GDA: variants seen among roughly 807,000 people sequenced by gnomAD.
The protein encoded by GDA is guanine deaminase.
Under a neutral mutation model 59.6 loss-of-function variants are expected in GDA, and 18 were observed. The ratio of observed to expected loss-of-function variants is 0.30; its 90% CI spans 0.21 to 0.45. The LOEUF (loss-of-function observed/expected upper bound fraction) is 0.45. Among genes scored for constraint, GDA ranks in the 20% least tolerant of loss-of-function variants. GDA has a pLI of 1.00. For missense variants in GDA, 427 were observed against 552.3 expected, an observed-to-expected ratio of 0.77 and a Z score of 2.27; for synonymous variants, 201 against 201.1, an observed-to-expected ratio of 1.00 and a Z score of 0.00.
chr9:72,197,431 A>T (rs543359110), intron 2 of GDA: 18 of 152,266 alleles, frequency 1.2e-4, no homozygotes, highest in African/African-American at 3.9e-4. Flanking sequence ...TGACATTTAT[A>T]GTCTCCTGCT....
rs140969286 is a variant in GDA at position 72,249,476 on chromosome 9, A to T, written c.*1134A>T. On this transcript the variant is annotated 3_prime_UTR_variant, in exon 14 of 14. Transcript: ENST00000358399. ...TTCTGTTTAACTCCTTATAATGTTT[A>T]GGATATTAAAATTTTAGGATAATGA... The T allele has an allele frequency of 1.6e-4, 118 of 735,420 alleles. No homozygotes were observed. In the African/African-American group the frequency reaches 1.9e-3, roughly 12 times the overall value. 45.6% of individuals were successfully genotyped at this position (735,420 alleles called of 1,614,324 possible).
intron 3 of GDA, among the ~76,000 whole-genome samples, chr9:72,209,229 G>A (rs1360879189): frequency 6.6e-6 from 1 of 151,804 alleles, no homozygotes; most frequent in Non-Finnish European, 1.5e-5. Context: ...TTTTGGAGAT[G>A]AATATTATTT....
chr9:72,191,140 T>A (rs1832493426), intron 1 of GDA, among the ~76,000 whole-genome samples: 1 of 152,232 alleles, frequency 6.6e-6, no homozygotes, highest in East Asian at 1.9e-4. Context: ...CAATGAGGAC[T>A]TCTATCATTT....
At chr9:72,191,188 G>A (rs1251188555) in intron 1 of GDA, among the ~76,000 whole-genome samples, 3 of 152,074 alleles carry the variant, frequency 2.0e-5, no homozygotes, top group East Asian at 1.9e-4. Flanking sequence ...GAGAAATATC[G>A]TAGGGTGCCA....
At chr9:72,190,574 G>A (rs1234854935) in intron 1 of GDA, among the ~76,000 whole-genome samples, 2 of 152,292 alleles carry the variant, frequency 1.3e-5, no homozygotes, top group East Asian at 3.9e-4. Flanking sequence ...TAGTAGTTAA[G>A]TTTCTGGGAA....
In GDA at chr9:72,117,205, G is replaced by A. The variant is rs2132512727; in HGVS notation, c.-100+2372G>A. ...ATCATTATTTGTTTTATGAGTATAT[G>A]ACTTGTTTAATTAAATGGACTCTGG... On this transcript the variant is annotated intron_variant, in intron 1 of 13. Transcript: ENST00000545168. 1.3e-5 allele frequency among the ~76,000 whole-genome samples: 2 copies of A among 152,086 alleles called. 1 individual carries two copies. The highest frequency in any genetic ancestry group is 2.9e-5 in the Non-Finnish European group (2 of 67,998).
intron 1 of GDA, among the ~76,000 whole-genome samples, chr9:72,167,424 T>A (rs1829447681): frequency 6.6e-6 from 1 of 152,202 alleles, no homozygotes; most frequent in African/African-American, 2.4e-5. Flanking sequence ...CGGTAACAAC[T>A]TCTTATATAT....
intron 1 of GDA, among the ~76,000 whole-genome samples, chr9:72,154,607 C>G (rs763857494): frequency 6.6e-6 from 1 of 152,172 alleles, no homozygotes; most frequent in African/African-American, 2.4e-5. Flanking sequence ...GATCAAGAAG[C>G]ATTTGGTGCT....
chr9:72,200,495 C>T (rs910314233), intron 2 of GDA, among the ~76,000 whole-genome samples: 1 of 151,954 alleles, frequency 6.6e-6, no homozygotes. Context: ...CTCATTCACC[C>T]GTAACCTCCT....
chr9:72,117,751 TC>T (rs1017336938), intron 1 of GDA, among the ~76,000 whole-genome samples: 1 of 152,094 alleles, frequency 6.6e-6, no homozygotes, highest in African/African-American at 2.4e-5. Context: ...GGCATCCACC[TC>T]CCAATTGGCG....
chr9:72,127,200 ATTCTG>A (rs1825877032), intron 1 of GDA, among the ~76,000 whole-genome samples: 1 of 152,174 alleles, frequency 6.6e-6, no homozygotes, highest in Non-Finnish European at 1.5e-5. Context: ...TAGAAATTAT[ATTCTG>A]TTTTTAAAAA....
At chr9:72,132,945 C>G (rs2130620429) in intron 1 of GDA, among the ~76,000 whole-genome samples, 1 of 152,218 alleles carries the variant, frequency 6.6e-6, no homozygotes. Flanking sequence ...TGGGTATCCC[C>G]TGTGTAATAA....
At chr9:72,167,234 A>G (rs141887789) in intron 1 of GDA, among the ~76,000 whole-genome samples, 20 of 152,264 alleles carry the variant, frequency 1.3e-4, no homozygotes, top group African/African-American at 4.8e-4. Flanking sequence ...CTCATTCATC[A>G]TGATTGCTTC....
chr9:72,242,319 A>G (rs1839705027), intron 11 of GDA, among the ~76,000 whole-genome samples: 1 of 152,234 alleles, frequency 6.6e-6, no homozygotes, highest in Admixed American at 6.5e-5. Flanking sequence ...ATATGCAAAT[A>G]TTGCTCATCA....
In GDA at chr9:72,130,993, A is replaced by C. The variant is rs1304651828; in HGVS notation, c.-100+16160A>C. On this transcript the variant is annotated intron_variant, in intron 1 of 13. Transcript: ENST00000545168. The stretch of plus-strand genomic sequence containing the variant: ...GGAAGAGGATGCACTAGCAGCTGCC[A>C]TGTGTCAGGCATTTGAGAAATAAGG... 2.0e-5 allele frequency among the ~76,000 whole-genome samples: 3 copies of C among 152,334 alleles called. No homozygotes were observed. In the East Asian group the frequency reaches 5.8e-4, roughly 29 times the overall value.
intron 3 of GDA, among the ~76,000 whole-genome samples, chr9:72,206,010 A>T (rs1244035570): frequency 6.6e-6 from 1 of 152,186 alleles, no homozygotes; most frequent in Non-Finnish European, 1.5e-5. Flanking sequence ...GGTGCTTAAA[A>T]TTTTGAAAAT....
At chr9:72,150,766 A>G (rs1827109650) in intron 1 of GDA, among the ~76,000 whole-genome samples, 1 of 152,174 alleles carries the variant, frequency 6.6e-6, no homozygotes, top group South Asian at 2.1e-4. Flanking sequence ...CTGTTTTCTC[A>G]TGGTGCTTTA....
At chr9:72,246,801 ATATTGCTTATTCTTTTAC>A (rs1044527464) in intron 12 of GDA, among the ~76,000 whole-genome samples, 56 of 152,186 alleles carry the variant, frequency 3.7e-4, no homozygotes, top group African/African-American at 1.3e-3. Context: ...CATTATTTTC[ATATTGCTTATTCTTTTAC>A]TCTCTGATTA....
At chr9:72,186,442 C>G (rs1831868642) in intron 1 of GDA, among the ~76,000 whole-genome samples, 1 of 152,116 alleles carries the variant, frequency 6.6e-6, no homozygotes, top group African/African-American at 2.4e-5. Flanking sequence ...TCCTTTTATG[C>G]AAGTCTCTGC....
Sources: allele counts gnomAD v4.1 joint callset (sites outside exome capture counted in the v4.1 genomes callset), GRCh38; gene constraint gnomAD v4.1.1; transcripts MANE v1.5; gene names NCBI Gene and HGNC (gene_info 2026-07-23, HGNC 2026-07-21).